Variants in CYP26B1 observed in about 807,000 individuals in gnomAD.
The protein encoded by CYP26B1 is cytochrome P450 family 26 subfamily B member 1.
In CYP26B1, 8 loss-of-function variants were observed where a neutral mutation model predicts 39.1. That is an observed-to-expected ratio of 0.20 (90% CI 0.12 to 0.37). CYP26B1 has a LOEUF of 0.37. Among genes scored for constraint, CYP26B1 ranks in the 10% least tolerant of loss-of-function variants. CYP26B1 has a pLI of 1.00. For synonymous variants in CYP26B1, 321 were observed against 314.3 expected, an observed-to-expected ratio of 1.02 and a Z score of -0.23; for missense variants, 615 against 707.0, an observed-to-expected ratio of 0.87 and a Z score of 1.48.
chr2:72,138,840 GTT>G (rs1035986298), intron 2 of CYP26B1, among the ~76,000 whole-genome samples: 18 of 152,194 alleles, frequency 1.2e-4, no homozygotes, highest in African/African-American at 4.3e-4. Flanking sequence ...TACACCCTTG[GTT>G]CTCTCCCTCC....
In CYP26B1 at chr2:72,132,042, G is replaced by T; in HGVS notation, c.*185C>A. The T allele has an allele frequency of 1.5e-6, 1 of 664,814 alleles. No homozygotes were observed. Among genetic ancestry groups the T allele is most frequent in the East Asian group, 2.7e-5 (1 of 36,378 alleles). The allele number at this position is 664,814 out of a possible 1,614,324, so 41.2% of individuals were successfully genotyped here. ...CTGGAGGGAAGCTGGAGCCAGAAGGGGAGCCCAGCCCTAGGAATGGGGCCC... is the reference window on the plus strand; with the variant it reads ...CTGGAGGGAAGCTGGAGCCAGAAGGTGAGCCCAGCCCTAGGAATGGGGCCC... On this transcript the variant is annotated 3_prime_UTR_variant, in exon 6 of 6. Transcript: ENST00000001146.
rs1226698742 is a variant in CYP26B1, at chr2:72,135,196, A to G, written c.653T>C (p.Val218Ala). The G allele has an allele frequency of 5.0e-6, 8 of 1,613,902 alleles. No individual in the cohort carries two copies. In the Admixed American group the frequency reaches 1.0e-4, roughly 20 times the overall value. Residue 218 changes from valine (V) to alanine (A), a missense_variant, in exon 3 of 6, where the codon GTG (valine) becomes GCG (alanine). Coordinates refer to ENST00000001146, the MANE Select transcript of CYP26B1 (RefSeq NM_019885.4). ...GHLFEVYQQF[V>A]DNVFSLPVDL... The stretch of plus-strand genomic sequence containing the variant: ...GACAGGCAGGGAGAAGACATTGTCC[A>G]CAAACTGCTGGTAGACCTCAAAGAG...
In CYP26B1 at chr2:72,144,183, T is replaced by G. The variant is rs1188222938; in HGVS notation, c.235A>C (p.Lys79Gln). The G allele has an allele frequency of 1.2e-6, 2 of 1,600,278 alleles. No individual in the cohort carries two copies. Among genetic ancestry groups the G allele is most frequent in the East Asian group, 2.2e-5 (1 of 44,450 alleles). Reference protein sequence around the residue: ...GSGFQSSRREKYGNVFKTHLL... With the variant: ...GSGFQSSRREQYGNVFKTHLL... ...TGCGTCTTGAACACGTTGCCATACT[T>G]CTCCCTCCGCGACGACTGGAAGCCA... is the stretch of plus-strand genomic sequence containing the variant. The change falls in exon 2 of 6, where the codon AAG becomes CAG. Residue 79 changes from lysine to glutamine, a missense_variant. Transcript: ENST00000001146.
At chr2:72,132,727 T>C in intron 5 of CYP26B1, 108 bp from the exon 6 acceptor site, 5 of 1,495,682 alleles carry the variant, frequency 3.3e-6, no homozygotes, top group Non-Finnish European at 4.5e-6. Context: ...AGACCTGCCT[T>C]TTCTTAGAGA....
rs2286965 is a variant in CYP26B1, at chr2:72,133,031, C to T, written c.1138G>A (p.Glu380Lys). The T allele has an allele frequency of 9.3e-4, 1,499 of 1,613,204 alleles. 32 individuals carry two copies. The East Asian group carries it at 0.029, about 32-fold the overall frequency. ...CACGGGCCCAGCCTCACATCAAGCTCGAAGGTCTGCAGCACAGTGCGGTAG... is the reference window on the plus strand; with the variant it reads ...CACGGGCCCAGCCTCACATCAAGCTTGAAGGTCTGCAGCACAGTGCGGTAG... The part of the protein sequence containing the change: ...GGYRTVLQTF[E>K]LDGFQIPKGW... Residue 380 changes from glutamate to lysine, a missense_variant, in exon 5 of 6, where the codon GAG becomes AAG. Physicochemically the swap from Glu to Lys is moderately conservative, Grantham distance 56. Coordinates refer to ENST00000001146, the MANE Select transcript of CYP26B1 (RefSeq NM_019885.4).
rs535620670 is a variant in CYP26B1, at chr2:72,134,236, C to A, written c.861+525G>T. Among the ~76,000 whole-genome samples the A allele has an allele frequency of 2.0e-5, 3 of 149,684 alleles. No homozygotes were observed. In the South Asian group the frequency reaches 6.6e-4, roughly 33 times the overall value. ...AGGTGGGGATGGGCGAGTGAGCCCT[C>A]CTCGGGTGAAACATCCGCCTAAAGC... On this transcript the variant is annotated intron_variant, in intron 4 of 5. Coordinates refer to ENST00000001146, the MANE Select transcript of CYP26B1 (RefSeq NM_019885.4).
In CYP26B1 at chr2:72,132,169, T is replaced by C. The variant is rs1007530726; in HGVS notation, c.*58A>G. ...CGGCCCCCTCCCACACACAGGTTTC[T>C]ACCTCCCACAACCACCACCCCGCTG... On this transcript the variant is annotated 3_prime_UTR_variant, in exon 6 of 6. Coordinates refer to ENST00000001146, the MANE Select transcript of CYP26B1 (RefSeq NM_019885.4). The C allele has an allele frequency of 6.4e-7, 1 of 1,551,476 alleles. No homozygotes were observed. The highest frequency in any genetic ancestry group is 8.7e-7 in the Non-Finnish European group (1 of 1,145,410).
At chr2:72,146,175 A>G (rs1677117518) in intron 1 of CYP26B1, among the ~76,000 whole-genome samples, 1 of 152,060 alleles carries the variant, frequency 6.6e-6, no homozygotes, top group Non-Finnish European at 1.5e-5. Flanking sequence ...GGGGGCAGAG[A>G]GGTCAGGAAA....
intron 2 of CYP26B1, 21 bp from the exon 3 acceptor site, chr2:72,135,440 T>C: frequency 1.9e-6 from 3 of 1,604,796 alleles, no homozygotes; most frequent in Non-Finnish European, 2.5e-6. Context: ...GAGAGGCAAG[T>C]GGGTGAGCCG....
intron 2 of CYP26B1, among the ~76,000 whole-genome samples, chr2:72,143,243 G>A (rs760871552): frequency 6.6e-6 from 1 of 152,226 alleles, no homozygotes; most frequent in Non-Finnish European, 1.5e-5. Flanking sequence ...CAAACAGCAC[G>A]TGCCGCCAGC....
At chr2:72,144,336 CACAGA>C (rs1204575004) in intron 1 of CYP26B1, 123 bp from the exon 2 acceptor site, 30 of 1,469,108 alleles carry the variant, frequency 2.0e-5, no homozygotes, top group Admixed American at 1.3e-4. Context: ...AACACACTCA[CACAGA>C]CGAGCACGCA....
chr2:72,136,123 T>C (rs1025592866), intron 2 of CYP26B1, among the ~76,000 whole-genome samples: 8 of 152,138 alleles, frequency 5.3e-5, no homozygotes, highest in Non-Finnish European at 2.9e-5. Flanking sequence ...CGCACAGGTT[T>C]TCATGTGTGG....
chr2:72,147,838 G>C lies in CYP26B1; in HGVS notation c.-4C>G, dbSNP rs1175770878. On this transcript the variant is annotated 5_prime_UTR_variant, in exon 1 of 6. Coordinates refer to ENST00000001146, the MANE Select transcript of CYP26B1 (RefSeq NM_019885.4). This position sits in a 1 kb window ranked among gnomAD's most constrained non-coding sequence, Gnocchi z 6.1. ...GATCCAAGCCCTCAAAGAGCATGTT[G>C]GCGGCCGCTCGGGGGATTGGCTGTG... 1 of 1,520,662 alleles carries C rather than the reference G, an allele frequency of 6.6e-7. No individual in the cohort carries two copies. The highest frequency in any genetic ancestry group is 1.4e-5 in the African/African-American group (1 of 71,076). The allele number at this position is 1,520,662 out of a possible 1,614,324, so 94.2% of individuals were successfully genotyped here.
rs1420518296 is a variant in CYP26B1, at chr2:72,135,399, G to A, written c.450C>T (p.Ser150=). The A allele has an allele frequency of 6.2e-7, 1 of 1,612,202 alleles. No homozygotes were observed. Among genetic ancestry groups the A allele is most frequent in the Non-Finnish European group, 8.5e-7 (1 of 1,180,026 alleles). The stretch of plus-strand genomic sequence containing the variant: ...GCAGGTAACTCTCCAGGGCCTCGTG[G>A]CTGAAGATCTTGGAGAAGACCTGGA... ...NKRKVFSKIF[S]HEALESYLPK... is the part of the protein sequence containing the mutation. Residue 150 remains serine, a synonymous_variant, in exon 3 of 6, where the codon AGC becomes AGT. Coordinates refer to ENST00000001146, the MANE Select transcript of CYP26B1 (RefSeq NM_019885.4).
chr2:72,144,276 G>C, intron 1 of CYP26B1, 63 bp from the exon 2 acceptor site: 2 of 1,551,926 alleles, frequency 1.3e-6, no homozygotes, highest in South Asian at 1.2e-5. Context: ...GCGAGGGAGG[G>C]GCGGCGGACC....
rs758906294 is a variant in CYP26B1, at chr2:72,134,753, C to T, written c.861+8G>A. On this transcript the variant is annotated splice_region_variant and intron_variant, in intron 4 of 5. Transcript: ENST00000001146. ...GTGCTGCCCGTGAGGGGCACACGCC[C>T]ACCCCACCTTCAGCTCCTGCATGGT... The T allele has an allele frequency of 3.1e-6, 5 of 1,611,532 alleles. No individual in the cohort carries two copies. The South Asian group carries it at 5.5e-5, about 18-fold the overall frequency.
In CYP26B1 at chr2:72,147,581, C is replaced by T; in HGVS notation, c.204+50G>A. ...CCGGCCCGCCGCTCCGTCTGCCCCG[C>T]GCTCGCAGCTAGCGGACCCCGGAGT... On this transcript the variant is annotated intron_variant, in intron 1 of 5. Transcript: ENST00000001146. The surrounding 1 kb of genome is among the most constrained non-coding windows in gnomAD (Gnocchi z 6.1). 1.9e-6 allele frequency: 3 copies of T among 1,545,082 alleles called. No individual in the cohort carries two copies. The highest frequency in any genetic ancestry group is 1.9e-4 in the Middle Eastern group (1 of 5,378).
intron 4 of CYP26B1, 87 bp from the exon 5 acceptor site, chr2:72,133,394 A>C: frequency 6.6e-7 from 1 of 1,509,696 alleles, no homozygotes; most frequent in Non-Finnish European, 8.9e-7. Flanking sequence ...CCGTGTGCCC[A>C]GGTCATCTGT....
At chr2:72,136,755 G>A (rs1156395579) in intron 2 of CYP26B1, among the ~76,000 whole-genome samples, 1 of 152,200 alleles carries the variant, frequency 6.6e-6, no homozygotes, top group Non-Finnish European at 1.5e-5. Flanking sequence ...CCTTCAGAGA[G>A]TGATGGATAA....
Sources: allele counts gnomAD v4.1 joint callset (sites outside exome capture counted in the v4.1 genomes callset), GRCh38; gene constraint gnomAD v4.1.1; non-coding constraint Gnocchi (gnomAD v3.1); transcripts MANE v1.5; gene names NCBI Gene and HGNC (gene_info 2026-07-23, HGNC 2026-07-21).